Variants in CES5A observed in about 807,000 individuals in gnomAD.
CES5A encodes the protein carboxylesterase 5.
In CES5A, 67 loss-of-function variants were observed where a neutral mutation model predicts 62.9. The observed-to-expected ratio is 1.07, with a 90% CI of 0.88 to 1.31. The LOEUF (loss-of-function observed/expected upper bound fraction) is 1.31. Among genes scored for constraint, CES5A ranks in the 50% most tolerant of loss-of-function variants. The probability of loss-of-function intolerance (pLI) is 0.00; values close to 1 mark genes in which losing one functional copy is unlikely to be tolerated. For missense variants in CES5A, 748 were observed against 708.5 expected (o/e 1.06, Z -0.63); for synonymous variants, 296 against 280.8 (o/e 1.05, Z -0.54).
At chr16:55,868,118 G>A (rs1188669434) in intron 4 of CES5A, among the ~76,000 whole-genome samples, 1 of 152,194 alleles carries the variant, frequency 6.6e-6, no homozygotes, top group Non-Finnish European at 1.5e-5. Flanking sequence ...GCCTGTCCTT[G>A]CCTTCCCGCA....
chr16:55,928,987 C>T (rs1370005808), upstream of CES5A, among the ~76,000 whole-genome samples: 1 of 152,158 alleles, frequency 6.6e-6, no homozygotes, highest in Non-Finnish European at 1.5e-5. Flanking sequence ...CCAGCCACAG[C>T]CTGCAGGACC....
intron 1 of CES5A, among the ~76,000 whole-genome samples, chr16:55,950,884 C>G (rs965748087): frequency 1.2e-4 from 18 of 151,770 alleles, no homozygotes; most frequent in African/African-American, 4.1e-4. Flanking sequence ...AGATGGATCA[C>G]GAGGACAGGA....
At chr16:55,897,892 G>A (rs1424314061) in intron 1 of CES5A, among the ~76,000 whole-genome samples, 1 of 152,152 alleles carries the variant, frequency 6.6e-6, no homozygotes, top group Admixed American at 6.5e-5. Context: ...ATACAGCAAT[G>A]AAAAAGAATG....
chr16:55,846,702 C>T lies in CES5A; in HGVS notation c.1497-20G>A. On this transcript the variant is annotated intron_variant, in intron 12 of 12. Coordinates refer to ENST00000290567, the MANE Select transcript of CES5A (RefSeq NM_001143685.2). ...GGATTCCTAGAAGGGAGAGCAGAAA[C>T]AGGGGTGAGATTTTCCTCCTCACAC... 1 of 1,613,766 alleles carries T rather than the reference C, an allele frequency of 6.2e-7. No individual in the cohort carries two copies. Among genetic ancestry groups the T allele is most frequent in the Non-Finnish European group, 8.5e-7 (1 of 1,179,694 alleles).
chr16:55,864,876 C>A (rs2033424859), intron 5 of CES5A, among the ~76,000 whole-genome samples: 1 of 151,642 alleles, frequency 6.6e-6, no homozygotes. Context: ...CCACTGCTTG[C>A]CAGCCTGGGC....
intron 1 of CES5A, among the ~76,000 whole-genome samples, chr16:55,884,785 C>T (rs1012486591): frequency 1.3e-4 from 20 of 151,996 alleles, no homozygotes; most frequent in African/African-American, 4.4e-4. Flanking sequence ...AGAGACAGTG[C>T]CTCCTTATGT....
At chr16:55,916,944 A>T (rs2034153485) in intron 1 of CES5A, among the ~76,000 whole-genome samples, 1 of 152,180 alleles carries the variant, frequency 6.6e-6, no homozygotes, top group Non-Finnish European at 1.5e-5. Flanking sequence ...TCACAGCAGC[A>T]TAGACTTCTC....
At chr16:55,872,221 G>A (rs1339101754) in intron 2 of CES5A, among the ~76,000 whole-genome samples, 1 of 152,204 alleles carries the variant, frequency 6.6e-6, no homozygotes, top group Non-Finnish European at 1.5e-5. Flanking sequence ...AACCACCCAG[G>A]ATAGACTGGC....
upstream of CES5A, among the ~76,000 whole-genome samples, chr16:55,929,669 T>C (rs1208723385): frequency 1.3e-5 from 2 of 152,128 alleles, no homozygotes; most frequent in African/African-American, 4.8e-5. Context: ...GTGAACAAAC[T>C]AGCAAAAATT....
At chr16:55,906,144 G>A (rs1342917828) in intron 1 of CES5A, among the ~76,000 whole-genome samples, 6 of 152,280 alleles carry the variant, frequency 3.9e-5, no homozygotes, top group South Asian at 2.1e-4. Context: ...TGTTACAGAC[G>A]ATCAACTCTG....
intron 6 of CES5A, among the ~76,000 whole-genome samples, chr16:55,862,774 C>T (rs1381448808): frequency 2.0e-5 from 3 of 152,126 alleles, no homozygotes; most frequent in Admixed American, 1.3e-4. Context: ...CTCATTCATC[C>T]GGAACACTTA....
intron 2 of CES5A, among the ~76,000 whole-genome samples, chr16:55,936,001 T>G (rs556174004): frequency 8.5e-5 from 13 of 152,252 alleles, no homozygotes; most frequent in African/African-American, 3.1e-4. Flanking sequence ...TATTCCAATC[T>G]GTAGATGGGT....
chr16:55,916,221 G>A (rs8049413), intron 1 of CES5A, among the ~76,000 whole-genome samples: 71,689 of 151,914 alleles, frequency 0.47, 17,441 homozygotes, highest in Non-Finnish European at 0.52. Context: ...AGGATCTAAG[G>A]TAGCGATGTT....
intron 2 of CES5A, among the ~76,000 whole-genome samples, chr16:55,948,892 A>T (rs1319843533): frequency 3.3e-5 from 5 of 152,138 alleles, no homozygotes; most frequent in African/African-American, 2.4e-5. Context: ...GTCTTGACTG[A>T]CTGAATAGAT....
At chr16:55,931,503 T>C (rs1359776426) in intron 2 of CES5A, among the ~76,000 whole-genome samples, 1 of 152,210 alleles carries the variant, frequency 6.6e-6, no homozygotes, top group Non-Finnish European at 1.5e-5. Flanking sequence ...TGGCCCTTGC[T>C]CTGTCTCCAC....
At position 55,853,354 on chromosome 16, in the gene CES5A, C is replaced by T. The variant is rs148287615; in HGVS notation, c.1126-326G>A. The stretch of plus-strand genomic sequence containing the variant: ...TTCTGGGCAGAACTGGCTGCATCAT[C>T]GTGGAGCTCAGTGCAAAGTAAAAAC... On this transcript the variant is annotated intron_variant, in intron 9 of 12. Coordinates refer to ENST00000290567, the MANE Select transcript of CES5A (RefSeq NM_001143685.2). Among the ~76,000 whole-genome samples the T allele has an allele frequency of 7.4e-3, 1,125 of 152,302 alleles. 4 individuals carry two copies. Among genetic ancestry groups the T allele is most frequent in the African/African-American group, 0.017 (723 of 41,556 alleles).
At chr16:55,872,795 C>T (rs1170168395) in intron 2 of CES5A, among the ~76,000 whole-genome samples, 1 of 152,124 alleles carries the variant, frequency 6.6e-6, no homozygotes, top group African/African-American at 2.4e-5. Context: ...TTCCCTGACA[C>T]CCTAATGGTT....
chr16:55,867,869 C>T (rs1372633599), intron 4 of CES5A, among the ~76,000 whole-genome samples: 4 of 152,168 alleles, frequency 2.6e-5, no homozygotes, highest in African/African-American at 7.2e-5. Context: ...GTCATATTCA[C>T]GTTATATACA....
intron 6 of CES5A, 92 bp from the exon 7 acceptor site, chr16:55,861,608 T>C: frequency 1.2e-6 from 1 of 860,164 alleles, no homozygotes. Flanking sequence ...AGCCACAGGC[T>C]GGCCCTCCAT....
Sources: gnomAD v4.1 joint callset for allele counts (sites outside exome capture counted in the v4.1 genomes callset) on GRCh38, gnomAD v4.1.1 for gene constraint, MANE v1.5 for transcripts, NCBI Gene and HGNC (gene_info 2026-07-23, HGNC 2026-07-21) for gene names.